The following WWTR1 variants were observed in gnomAD, a reference collection of about 807,000 sequenced individuals.
The protein encoded by WWTR1 is WW domain containing transcription regulator 1, also known as WW domain-containing transcription regulator protein 1.
Under a neutral mutation model 40.1 loss-of-function variants are expected in WWTR1, and 13 were observed. The ratio of observed to expected loss-of-function variants is 0.32; its 90% CI spans 0.21 to 0.52. WWTR1 has a LOEUF of 0.52. Ranked by LOEUF, WWTR1 falls within the 20% of genes least tolerant of loss-of-function variation. The probability of loss-of-function intolerance (pLI) is 0.97; values close to 1 mark genes in which losing one functional copy is unlikely to be tolerated. For missense variants in WWTR1, 436 were observed against 523.1 expected, an observed-to-expected ratio of 0.83 and a Z score of 1.63; for synonymous variants, 230 against 210.1, an observed-to-expected ratio of 1.09 and a Z score of -0.82.
At chr3:149,666,701 C>T (rs1330679640) in intron 2 of WWTR1, among the ~76,000 whole-genome samples, 1 of 152,104 alleles carries the variant, frequency 6.6e-6, no homozygotes, top group African/African-American at 2.4e-5. Flanking sequence ...GATAAGAAAA[C>T]CAAGGTTTAG....
At chr3:149,608,667 G>A (rs1488869374) in intron 2 of WWTR1, among the ~76,000 whole-genome samples, 3 of 152,146 alleles carry the variant, frequency 2.0e-5, no homozygotes, top group African/African-American at 7.2e-5. Context: ...AGGATTACAG[G>A]TGTGAGTCAC....
chr3:149,526,819 G>A (rs1410757406), intron 5 of WWTR1, among the ~76,000 whole-genome samples: 2 of 152,296 alleles, frequency 1.3e-5, no homozygotes, highest in South Asian at 4.2e-4. Flanking sequence ...GTCTCTGCAA[G>A]GGCAGAATAA....
At chr3:149,659,712 A>G (rs1713484813), upstream of WWTR1, 1 of 152,114 alleles carries the variant, frequency 6.6e-6, no homozygotes, top group South Asian at 2.1e-4. Flanking sequence ...AGTTTAAGGA[A>G]AAGACAAGGC....
At chr3:149,536,045 A>G (rs774742103) in intron 4 of WWTR1, among the ~76,000 whole-genome samples, 17 of 152,072 alleles carry the variant, frequency 1.1e-4, no homozygotes, top group Admixed American at 2.6e-4. Flanking sequence ...AAAAGACTTG[A>G]ATTGATACTA....
At chr3:149,597,432 C>CAAAAAA (rs1253950023) in intron 2 of WWTR1, among the ~76,000 whole-genome samples, 1 of 51,750 alleles carries the variant, frequency 1.9e-5, no homozygotes, top group Non-Finnish European at 5.9e-5. Flanking sequence ...CCCAGCTCTA[C>CAAAAAA]AAAAAAAAAA....
chr3:149,632,029 C>T lies in WWTR1; in HGVS notation c.431+24847G>A, dbSNP rs964933807. On this transcript the variant is annotated intron_variant, in intron 2 of 6. Transcript: ENST00000360632. ...GGCTCAAGTGATCCTCCCACCTTAG[C>T]TCCCCTGAGTAGCTGGGACTACAGG... 2.6e-5 allele frequency among the ~76,000 whole-genome samples: 4 copies of T among 152,212 alleles called. No individual in the cohort carries two copies. In the South Asian group the frequency reaches 6.2e-4, roughly 24 times the overall value.
chr3:149,632,016 C>G (rs931431678), intron 2 of WWTR1, among the ~76,000 whole-genome samples: 1 of 152,090 alleles, frequency 6.6e-6, no homozygotes, highest in Non-Finnish European at 1.5e-5. Context: ...CTCAAGTGAT[C>G]CTCCCACCTT....
At chr3:149,633,181 G>A (rs1004021347) in intron 2 of WWTR1, among the ~76,000 whole-genome samples, 8 of 152,176 alleles carry the variant, frequency 5.3e-5, no homozygotes, top group African/African-American at 1.9e-4. Context: ...TTGAGGCCAA[G>A]AGTTCAAGGA....
At chr3:149,533,587 C>T (rs1735687380) in intron 4 of WWTR1, among the ~76,000 whole-genome samples, 1 of 152,198 alleles carries the variant, frequency 6.6e-6, no homozygotes, top group South Asian at 2.1e-4. Context: ...ATTTCTGAAA[C>T]AGTAGTTGGG....
At chr3:149,642,959 T>A (rs1712270069) in intron 2 of WWTR1, among the ~76,000 whole-genome samples, 1 of 152,176 alleles carries the variant, frequency 6.6e-6, no homozygotes, top group Non-Finnish European at 1.5e-5. Context: ...TGATTCTTAA[T>A]CCCGCCTACT....
intron 2 of WWTR1, among the ~76,000 whole-genome samples, chr3:149,626,442 A>C (rs1576606432): frequency 6.6e-6 from 1 of 152,008 alleles, no homozygotes; most frequent in Non-Finnish European, 1.5e-5. Context: ...CCAAGCTAAT[A>C]ATATCTTGTT....
At position 149,657,082 on chromosome 3, in the gene WWTR1, C is replaced by G. The variant is rs11539516; in HGVS notation, c.225G>C (p.Gly75=). 10 of 1,568,490 alleles carry G rather than the reference C, an allele frequency of 6.4e-6. No individual in the cohort carries two copies. Among genetic ancestry groups the G allele is most frequent in the Non-Finnish European group, 8.6e-6 (10 of 1,160,708 alleles). Reference sequence around the variant, plus strand: ...GCTGGGCACCCCCAGCCAGTCGAGGCCCCGGGTGGCCGCCCGACGAGTCGG... The same window carrying G: ...GCTGGGCACCCCCAGCCAGTCGAGGGCCCGGGTGGCCGCCCGACGAGTCGG... ...SSTDSSGGHP[G]PRLAGGAQHV... The change falls in exon 2 of 7, where the codon GGG becomes GGC. Residue 75 remains glycine (G), a synonymous_variant. Transcript: ENST00000360632.
intron 4 of WWTR1, chr3:149,540,190 T>TACAATGCA (rs1560050837): frequency 4.4e-6 from 2 of 456,288 alleles, no homozygotes; most frequent in Middle Eastern, 3.3e-4. Flanking sequence ...CTGCTTCATA[T>TACAATGCA]ACAATGCAAC....
intron 3 of WWTR1, among the ~76,000 whole-genome samples, chr3:149,559,134 A>T (rs1736972535): frequency 6.6e-6 from 1 of 151,982 alleles, no homozygotes; most frequent in Non-Finnish European, 1.5e-5. Flanking sequence ...TCTCTACTAA[A>T]AATACAAAAA....
intron 2 of WWTR1, among the ~76,000 whole-genome samples, chr3:149,606,612 T>C (rs1184845835): frequency 6.6e-6 from 1 of 152,210 alleles, no homozygotes; most frequent in Non-Finnish European, 1.5e-5. Flanking sequence ...ATACCACTTA[T>C]AGGCTCATTC....
chr3:149,679,396 C>A (rs898352417), intron 1 of WWTR1, among the ~76,000 whole-genome samples: 1 of 152,186 alleles, frequency 6.6e-6, no homozygotes, highest in Non-Finnish European at 1.5e-5. Flanking sequence ...TGGCAGCCAA[C>A]ATATTCACCA....
intron 3 of WWTR1, among the ~76,000 whole-genome samples, chr3:149,554,287 C>T (rs1736730180): frequency 6.6e-6 from 1 of 152,184 alleles, no homozygotes; most frequent in African/African-American, 2.4e-5. Context: ...AGCCTTAAAA[C>T]CACTTCCAGG....
chr3:149,534,042 T>G (rs1157437248), intron 4 of WWTR1, among the ~76,000 whole-genome samples: 5 of 152,152 alleles, frequency 3.3e-5, no homozygotes, highest in African/African-American at 1.2e-4. Flanking sequence ...TGGTGGCATG[T>G]GCCTGTAGTC....
At chr3:149,655,124 TAAAAAAGAAAGA>T (rs1713131097) in intron 2 of WWTR1, among the ~76,000 whole-genome samples, 1 of 144,172 alleles carries the variant, frequency 6.9e-6, no homozygotes, top group Non-Finnish European at 1.5e-5. Flanking sequence ...AGACTCCATC[TAAAAAAGAAAGA>T]AAGAAAGAAA....
Sources: allele counts gnomAD v4.1 joint callset (sites outside exome capture counted in the v4.1 genomes callset), GRCh38; gene constraint gnomAD v4.1.1; transcripts MANE v1.5; gene names NCBI Gene and HGNC (gene_info 2026-07-23, HGNC 2026-07-21).